Variants in ZNF366 observed in about 807,000 individuals in gnomAD.
The protein encoded by ZNF366 is dendritic cell-specific transcript protein.
Under a neutral mutation model 47.2 loss-of-function variants are expected in ZNF366, and 20 were observed. The observed-to-expected ratio is 0.42, with a 90% CI of 0.30 to 0.62. The LOEUF (loss-of-function observed/expected upper bound fraction) is 0.62, where lower values mean the gene tolerates loss of function less well. Among genes scored for constraint, ZNF366 ranks in the 20% least tolerant of loss-of-function variants. ZNF366 has a pLI of 0.16. For missense variants in ZNF366, 987 were observed against 976.3 expected (o/e 1.01, Z -0.15); for synonymous variants, 421 against 395.1 (o/e 1.07, Z -0.78).
intron 2 of ZNF366, 129 bp from the exon 3 acceptor site, chr5:72,456,724 A>G (rs896097925): frequency 1.9e-5 from 17 of 893,976 alleles, no homozygotes; most frequent in South Asian, 5.3e-5. Flanking sequence ...TGAGTTTCAA[A>G]TGGTGTAGCT....
chr5:72,502,508 A>T (rs1270842160), intron 1 of ZNF366, among the ~76,000 whole-genome samples: 1 of 152,212 alleles, frequency 6.6e-6, no homozygotes, highest in African/African-American at 2.4e-5. Context: ...TCAATCAGGA[A>T]ATTTAGAACA....
chr5:72,461,477 A>T lies in ZNF366; in HGVS notation c.20T>A (p.Met7Lys), dbSNP rs752807960. The T allele has an allele frequency of 6.4e-7, 1 of 1,566,140 alleles. No individual in the cohort carries two copies. Among genetic ancestry groups the T allele is most frequent in the Admixed American group, 1.9e-5 (1 of 53,830 alleles). Residue 7 changes from methionine to lysine, a missense_variant, in exon 2 of 5, where the codon ATG (methionine) becomes AAG (lysine). Coordinates refer to ENST00000318442, the MANE Select transcript of ZNF366 (RefSeq NM_152625.3). The part of the protein sequence containing the change: MQKEMK[M>K]IKDEDVHFDL... ...GAAATGCACATCCTCGTCTTTGATC[A>T]TCTTCATTTCCTTCTGCATCCTTGG...
Position 72,460,206 on chromosome 5 carries a change from C to T in ZNF366, c.1291G>A (p.Val431Met). 6.2e-7 allele frequency: 1 copy of T among 1,614,256 alleles called. No individual in the cohort carries two copies. Among genetic ancestry groups the T allele is most frequent in the East Asian group, 2.2e-5 (1 of 44,888 alleles). ...TGCTGCTTGAGGTGGTGCGGCTGCA[C>T]AAACTCCATGCCACACTCTGAGCAG... is the stretch of plus-strand genomic sequence containing the variant. Reference protein sequence around the residue: ...YICSECGMEFVQPHHLKQHSL... With the variant: ...YICSECGMEFMQPHHLKQHSL... Residue 431 changes from valine to methionine, a missense_variant, in exon 2 of 5, where the codon GTG becomes ATG. Val to Met is a conservative substitution (Grantham distance 21). Around this residue, in one of 3 missense-constraint regions of ZNF366, gnomAD observed 111 missense variants for 180.5 expected, o/e 0.61. Transcript: ENST00000318442.
chr5:72,451,023 T>G (rs2112319137), intron 3 of ZNF366, among the ~76,000 whole-genome samples: 1 of 152,294 alleles, frequency 6.6e-6, no homozygotes, highest in Admixed American at 6.5e-5. Context: ...TCTAGGTTCT[T>G]CTCCAGAGAA....
chr5:72,451,836 C>G (rs1342196426), intron 3 of ZNF366, among the ~76,000 whole-genome samples: 2 of 152,236 alleles, frequency 1.3e-5, no homozygotes, highest in African/African-American at 2.4e-5. Context: ...GCTCCCCCAT[C>G]CTTAGTCTGC....
chr5:72,460,295 G>A lies in ZNF366; in HGVS notation c.1202C>T (p.Thr401Ile), dbSNP rs199843414. 6.2e-7 allele frequency: 1 copy of A among 1,614,218 alleles called. No individual in the cohort carries two copies. The highest frequency in any genetic ancestry group is 2.2e-5 in the East Asian group (1 of 44,884). The stretch of plus-strand genomic sequence containing the variant: ...CTGCAGCTGGCTCGGGTACTGGAAG[G>A]TCTTGTCGCACTCGGAGCAGTTGTA... ...IQYNCSECDK[T>I]FQYPSQLQNH... The change falls in exon 2 of 5, where the codon ACC becomes ATC. Residue 401 changes from threonine (T) to isoleucine (I), a missense_variant. Coordinates refer to ENST00000318442, the MANE Select transcript of ZNF366 (RefSeq NM_152625.3).
At chr5:72,459,303 C>A (rs531792296) in intron 2 of ZNF366, among the ~76,000 whole-genome samples, 2 of 152,214 alleles carry the variant, frequency 1.3e-5, no homozygotes, top group African/African-American at 4.8e-5. Context: ...CCAAGAAAAC[C>A]ACTTGAGGTT....
intron 1 of ZNF366, among the ~76,000 whole-genome samples, chr5:72,503,193 A>G (rs746775164): frequency 6.6e-6 from 1 of 152,186 alleles, no homozygotes; most frequent in Non-Finnish European, 1.5e-5. Flanking sequence ...TGTGATTTAC[A>G]TATGGTTCTA....
intron 3 of ZNF366, among the ~76,000 whole-genome samples, chr5:72,450,127 G>A (rs1490109384): frequency 6.6e-6 from 1 of 152,232 alleles, no homozygotes; most frequent in Non-Finnish European, 1.5e-5. Flanking sequence ...TAGCCTAACT[G>A]TGAAAAATGT....
intron 1 of ZNF366, among the ~76,000 whole-genome samples, chr5:72,462,702 C>A (rs190071584): frequency 5.1e-4 from 78 of 151,964 alleles, no homozygotes; most frequent in African/African-American, 1.7e-3. Context: ...AGGTGTGCGC[C>A]ACCACGCCCT....
chr5:72,467,611 A>G (rs1315996855), intron 1 of ZNF366, among the ~76,000 whole-genome samples: 7 of 152,250 alleles, frequency 4.6e-5, no homozygotes, highest in African/African-American at 1.7e-4. Flanking sequence ...ACAGTGAGCC[A>G]GCATGCCAGG....
At position 72,472,621 on chromosome 5, in the gene ZNF366, C is replaced by T. The variant is rs78238054; in HGVS notation, c.-14-11111G>A. On this transcript the variant is annotated intron_variant, in intron 1 of 4. Transcript: ENST00000318442. ...AGTTAACCTTGAAATAAAGAAGAAT[C>T]GGTTAGAAAGATTCATAGTAATTAC... The T allele has an allele frequency of 1.2e-3, 1,113 of 942,060 alleles. 2 individuals carry two copies. The African/African-American group carries it at 0.017, about 15-fold the overall frequency. 58.4% of individuals were successfully genotyped at this position (942,060 alleles called of 1,614,324 possible). A position where few individuals can be genotyped will look rare whatever the true frequency, so the allele number is the denominator to read the frequency against.
rs1383165516 is a variant in ZNF366, at chr5:72,482,901, G to GCCAAA, written c.-14-21392_-14-21391insTTTGG. Among the ~76,000 whole-genome samples the GCCAAA allele has an allele frequency of 7.2e-5, 11 of 152,154 alleles. No individual in the cohort carries two copies. The East Asian group carries it at 2.1e-3, about 29-fold the overall frequency. On this transcript the variant is annotated intron_variant, in intron 1 of 4. Transcript: ENST00000318442. ...TGTAGAAAGTAGCACAGTTTGGCAT[G>GCCAAA]CTGAGTGTGCCAAATTTCCCTTAAA...
intron 1 of ZNF366, among the ~76,000 whole-genome samples, chr5:72,491,516 GA>G (rs1179431671): frequency 6.6e-6 from 1 of 152,150 alleles, no homozygotes; most frequent in Non-Finnish European, 1.5e-5. Context: ...TTGAATTCTA[GA>G]ACTGTGGCAA....
rs943262262 is a variant in ZNF366 at position 72,484,492 on chromosome 5, A to T, written c.-15+22759T>A. Among the ~76,000 whole-genome samples, 1,351 of 147,776 alleles carry T rather than the reference A, an allele frequency of 9.1e-3. 20 individuals carry two copies. Among genetic ancestry groups the T allele is most frequent in the African/African-American group, 0.033 (1,270 of 38,836 alleles). On this transcript the variant is annotated intron_variant, in intron 1 of 4. Transcript: ENST00000318442. ...GAGCGAGACTCCGTCTCAAAAAAAA[A>T]AAAAATAATAATAATAATAATAATT...
chr5:72,460,303 G>T lies in ZNF366; in HGVS notation c.1194C>A (p.Cys398Ter). The change falls in exon 2 of 5, where the codon TGC (cysteine) becomes TGA (stop). Residue 398 changes from cysteine to a stop codon, truncating the protein, a stop_gained. Coordinates refer to ENST00000318442, the MANE Select transcript of ZNF366 (RefSeq NM_152625.3). LOFTEE classifies it high-confidence loss of function. ...GGCTCGGGTACTGGAAGGTCTTGTC[G>T]CACTCGGAGCAGTTGTACTGGATGG... ...RGPIQYNCSE[C>*]DKTFQYPSQL... 6.2e-7 allele frequency: 1 copy of T among 1,614,190 alleles called. No homozygotes were observed. The highest frequency in any genetic ancestry group is 8.5e-7 in the Non-Finnish European group (1 of 1,180,020).
At chr5:72,465,461 T>C (rs754318522) in intron 1 of ZNF366, among the ~76,000 whole-genome samples, 6 of 152,168 alleles carry the variant, frequency 3.9e-5, no homozygotes, top group Non-Finnish European at 8.8e-5. Flanking sequence ...CTGGGTGTCC[T>C]CAGCAAAAAT....
In ZNF366 at chr5:72,507,280, GCCC is replaced by G. The variant is rs1177249544; in HGVS notation, c.-47_-45del. On this transcript the variant is annotated 5_prime_UTR_variant, in exon 1 of 5. Transcript: ENST00000318442. ...TCCTGAGGTCTGAATGGCTGCAGCA[GCCC>G]CACTCCTTTACCTGATCCCTGCTCT... 1.0e-6 allele frequency: 1 copy of G among 985,396 alleles called. No individual in the cohort carries two copies. Among genetic ancestry groups the G allele is most frequent in the Non-Finnish European group, 1.2e-6 (1 of 830,052 alleles). 61.0% of individuals were successfully genotyped at this position (985,396 alleles called of 1,614,324 possible). A position where few individuals can be genotyped will look rare whatever the true frequency, so the allele number is the denominator to read the frequency against.
intron 1 of ZNF366, among the ~76,000 whole-genome samples, chr5:72,473,324 T>C (rs1743607860): frequency 6.6e-6 from 1 of 152,204 alleles, no homozygotes; most frequent in South Asian, 2.1e-4. Flanking sequence ...GCTGGTCTTC[T>C]TGTTATTTGA....
Sources: gnomAD v4.1 joint callset for allele counts (sites outside exome capture counted in the v4.1 genomes callset) on GRCh38, gnomAD v4.1.1 for gene constraint, gnomAD v4.1.1 regional missense constraint, MANE v1.5 for transcripts, NCBI Gene and HGNC (gene_info 2026-07-23, HGNC 2026-07-21) for gene names.